Variants in PPP1R12B observed in about 807,000 individuals in gnomAD.
PPP1R12B encodes the protein protein phosphatase 1 regulatory subunit 12B.
In PPP1R12B, 76 loss-of-function variants were observed where a neutral mutation model predicts 126.1. The observed-to-expected ratio is 0.60, with a 90% CI of 0.50 to 0.73. The LOEUF (loss-of-function observed/expected upper bound fraction) is 0.73, where lower values mean the gene tolerates loss of function less well. Among genes scored for constraint, PPP1R12B ranks in the 30% least tolerant of loss-of-function variants. The pLI, the probability that PPP1R12B is intolerant of heterozygous loss-of-function variation, is 0.00. For synonymous variants in PPP1R12B, 356 were observed against 434.7 expected (o/e 0.82, Z 2.25); for missense variants, 1,052 against 1,205.1 (o/e 0.87, Z 1.88).
intron 1 of PPP1R12B, among the ~76,000 whole-genome samples, chr1:202,356,840 A>G (rs1398823700): frequency 6.2e-5 from 8 of 128,240 alleles, no homozygotes; most frequent in African/African-American, 8.8e-5. Flanking sequence ...TTTTTTTTTG[A>G]GACTGAATTT....
At chr1:202,411,270 CAAAAAAAA>C (rs771739035) in intron 1 of PPP1R12B, among the ~76,000 whole-genome samples, 1 of 59,546 alleles carries the variant, frequency 1.7e-5, no homozygotes, top group South Asian at 5.6e-4. Flanking sequence ...CTTCTGGAGG[CAAAAAAAA>C]AAAAAAAAAA....
chr1:202,471,866 G>A, intron 13 of PPP1R12B: 1 of 1,516,386 alleles, frequency 6.6e-7, no homozygotes, highest in Non-Finnish European at 9.0e-7. Context: ...AGTGCTTTTA[G>A]TGCTGCTTCC....
chr1:202,455,894 TA>T (rs957709604), intron 13 of PPP1R12B, among the ~76,000 whole-genome samples: 10 of 152,106 alleles, frequency 6.6e-5, no homozygotes, highest in Admixed American at 3.3e-4. Context: ...AGATGACCAG[TA>T]AGGAAACCAC....
intron 18 of PPP1R12B, among the ~76,000 whole-genome samples, chr1:202,526,754 A>T (rs1448838911): frequency 1.3e-5 from 2 of 151,978 alleles, no homozygotes; most frequent in African/African-American, 2.4e-5. Flanking sequence ...GAGATTATGG[A>T]GGGGTTATAG....
chr1:202,371,047 A>T (rs1571642953), intron 1 of PPP1R12B, among the ~76,000 whole-genome samples: 2 of 118,976 alleles, frequency 1.7e-5, no homozygotes, highest in East Asian at 2.4e-4. Flanking sequence ...TCTCTGTCTC[A>T]CTCTGCCACT....
intron 13 of PPP1R12B, among the ~76,000 whole-genome samples, chr1:202,469,965 A>G (rs1032634457): frequency 5.9e-5 from 9 of 152,160 alleles, no homozygotes; most frequent in Non-Finnish European, 1.5e-5. Context: ...ATTGTTAAAG[A>G]TGGGTTAGAT....
chr1:202,357,995 A>G (rs934447680), intron 1 of PPP1R12B, among the ~76,000 whole-genome samples: 3 of 152,270 alleles, frequency 2.0e-5, no homozygotes, highest in South Asian at 2.1e-4. Flanking sequence ...GGGGAGTACT[A>G]TATTTATCAG....
intron 1 of PPP1R12B, among the ~76,000 whole-genome samples, chr1:202,353,391 C>T (rs1219759212): frequency 1.3e-5 from 2 of 152,068 alleles, no homozygotes; most frequent in Admixed American, 1.3e-4. Context: ...TATTGTGCAT[C>T]TAGAATAGTC....
chr1:202,349,905 G>A (rs1024397597), intron 1 of PPP1R12B, among the ~76,000 whole-genome samples: 1 of 151,976 alleles, frequency 6.6e-6, no homozygotes, highest in Admixed American at 6.6e-5. Context: ...ATCTGTGCTT[G>A]GTAACGACAC....
Position 202,472,129 on chromosome 1 carries a change from C to T in PPP1R12B, c.1851-16404C>T, listed in dbSNP as rs914639151. The T allele has an allele frequency of 5.0e-6, 7 of 1,402,304 alleles. No individual in the cohort carries two copies. The Admixed American group carries it at 6.7e-5, about 13-fold the overall frequency. The allele number at this position is 1,402,304 out of a possible 1,614,324, so 86.9% of individuals were successfully genotyped here. ...TTTGTGAGAGGCATGTTCTCATGTG[C>T]GTAGGTCATCACCGCCGGAAAACAA... is the stretch of plus-strand genomic sequence containing the variant. On this transcript the variant is annotated intron_variant, in intron 13 of 23. Coordinates refer to ENST00000608999, the MANE Select transcript of PPP1R12B (RefSeq NM_002481.4).
intron 14 of PPP1R12B, among the ~76,000 whole-genome samples, chr1:202,488,910 G>T (rs1678501793): frequency 6.6e-6 from 1 of 152,134 alleles, no homozygotes; most frequent in South Asian, 2.1e-4. Context: ...AGGCATGGTG[G>T]TGCATGCCTG....
intron 18 of PPP1R12B, among the ~76,000 whole-genome samples, chr1:202,555,324 T>TAAAAAAAAAAAA (rs1686776254): frequency 4.0e-4 from 2 of 5,008 alleles, no homozygotes; most frequent in South Asian, 0.018. Flanking sequence ...CCTGTTTTAA[T>TAAAAAAAAAAAA]GAAAAAAAAA....
At chr1:202,577,657 T>TTTGTA (rs779003083) in intron 23 of PPP1R12B, among the ~76,000 whole-genome samples, 9 of 151,906 alleles carry the variant, frequency 5.9e-5, no homozygotes, top group Non-Finnish European at 1.2e-4. Context: ...CAGAGGGGAC[T>TTTGTA]CCCTTCCCAC....
intron 1 of PPP1R12B, among the ~76,000 whole-genome samples, chr1:202,415,139 T>C (rs922013758): frequency 1.3e-5 from 2 of 152,196 alleles, no homozygotes; most frequent in African/African-American, 2.4e-5. Flanking sequence ...GTGCTTTATG[T>C]ATACTTTCCA....
chr1:202,439,528 G>A, intron 10 of PPP1R12B: 1 of 1,529,980 alleles, frequency 6.5e-7, no homozygotes, highest in South Asian at 1.2e-5. Flanking sequence ...GTTGCCTTGG[G>A]GGGTGTGGCG....
At chr1:202,361,114 C>G (rs1002461733) in intron 1 of PPP1R12B, among the ~76,000 whole-genome samples, 4 of 152,056 alleles carry the variant, frequency 2.6e-5, no homozygotes. Context: ...AGAATGGTCT[C>G]GATCTCCTGA....
At position 202,565,037 on chromosome 1, in the gene PPP1R12B, T is replaced by C. The variant is rs568384852; in HGVS notation, c.2757+490T>C. 6.6e-6 allele frequency among the ~76,000 whole-genome samples: 1 copy of C among 152,264 alleles called. No individual in the cohort carries two copies. The highest frequency in any genetic ancestry group is 2.4e-5 in the African/African-American group (1 of 41,574). ...GCAAAGGTGGTGCCACAACATAGGG[T>C]TAAGTCCCAAAGCAAAGATTCTGTA... On this transcript the variant is annotated intron_variant, in intron 21 of 23. Transcript: ENST00000608999. The surrounding 1 kb of genome is among the most constrained non-coding windows in gnomAD (Gnocchi z 4.3).
chr1:202,349,038 CTGGCCGCCT>C lies in PPP1R12B; in HGVS notation c.188_196del (p.Leu63_Cys66delinsArg). ...CCGCTTCGAGGACGGTGCTGTCTTT[CTGGCCGCCT>C]GCTCTAGCGGGGACACCGACGAGGT... On this transcript the variant is annotated inframe_deletion, in exon 1 of 24. Coordinates refer to ENST00000608999, the MANE Select transcript of PPP1R12B (RefSeq NM_002481.4). 2.5e-6 allele frequency: 4 copies of C among 1,613,408 alleles called. No individual in the cohort carries two copies. The highest frequency in any genetic ancestry group is 3.4e-6 in the Non-Finnish European group (4 of 1,179,780).
At chr1:202,423,092 A>G (rs902219359) in intron 3 of PPP1R12B, among the ~76,000 whole-genome samples, 4 of 152,184 alleles carry the variant, frequency 2.6e-5, no homozygotes, top group Admixed American at 1.3e-4. Flanking sequence ...TGAGTTTGTG[A>G]CTTTGCATCT....
Sources: allele counts gnomAD v4.1 joint callset (sites outside exome capture counted in the v4.1 genomes callset), GRCh38; gene constraint gnomAD v4.1.1; non-coding constraint Gnocchi (gnomAD v3.1); transcripts MANE v1.5; gene names NCBI Gene and HGNC (gene_info 2026-07-23, HGNC 2026-07-21).